The following GHITM variants were observed in gnomAD, a reference collection of about 807,000 sequenced individuals.
GHITM encodes growth hormone inducible transmembrane protein.
Under a neutral mutation model 38.7 loss-of-function variants are expected in GHITM, and 24 were observed. That is an observed-to-expected ratio of 0.62 (90% CI 0.45 to 0.87). The LOEUF is 0.87. Among genes scored for constraint, GHITM ranks in the 40% least tolerant of loss-of-function variants. The pLI is 0.00. For missense variants in GHITM, 420 were observed against 429.8 expected, an observed-to-expected ratio of 0.98 and a Z score of 0.20; for synonymous variants, 154 against 147.8, an observed-to-expected ratio of 1.04 and a Z score of -0.30.
At chr10:84,148,437 C>T (rs184526721) in intron 5 of GHITM, among the ~76,000 whole-genome samples, 251 of 152,278 alleles carry the variant, frequency 1.6e-3, no homozygotes, top group African/African-American at 5.5e-3. Flanking sequence ...GCTGGGACTA[C>T]AGGCGCGCAC....
intron 8 of GHITM, among the ~76,000 whole-genome samples, chr10:84,151,726 A>T (rs1262995785): frequency 6.6e-6 from 1 of 151,980 alleles, no homozygotes. Flanking sequence ...AAAGTGGGTT[A>T]TTTTATTTAA....
chr10:84,141,478 G>C lies in GHITM; in HGVS notation c.-23G>C. ...TTAAACTAGCATTTCAGATCTGCTC[G>C]GTAGACCTGGTGCACCACCACCATG... On this transcript the variant is annotated 5_prime_UTR_variant, in exon 2 of 9. Coordinates refer to ENST00000372134, the MANE Select transcript of GHITM (RefSeq NM_014394.3). The C allele has an allele frequency of 1.9e-6, 3 of 1,612,258 alleles. No homozygotes were observed. The highest frequency in any genetic ancestry group is 2.5e-6 in the Non-Finnish European group (3 of 1,178,790).
chr10:84,143,899 TA>T, intron 3 of GHITM, 95 bp from the exon 4 acceptor site: 1 of 893,568 alleles, frequency 1.1e-6, no homozygotes, highest in Non-Finnish European at 1.9e-6. Context: ...TGGCTTCTAT[TA>T]AATATGGTAC....
At chr10:84,148,125 T>C (rs1178611387) in intron 5 of GHITM, among the ~76,000 whole-genome samples, 1 of 152,126 alleles carries the variant, frequency 6.6e-6, no homozygotes, top group Non-Finnish European at 1.5e-5. Flanking sequence ...AGTAAAATTG[T>C]TAAAAGATGT....
At chr10:84,147,038 T>C (rs1305340484) in intron 5 of GHITM, among the ~76,000 whole-genome samples, 3 of 151,944 alleles carry the variant, frequency 2.0e-5, no homozygotes, top group African/African-American at 7.3e-5. Context: ...GGAGATATTC[T>C]TAGGCATGAT....
chr10:84,142,732 A>G lies in GHITM; in HGVS notation c.207A>G (p.Pro69=). Residue 69 remains proline (P), a synonymous_variant, in exon 3 of 9, where the codon CCA becomes CCG. Coordinates refer to ENST00000372134, the MANE Select transcript of GHITM (RefSeq NM_014394.3). The stretch of plus-strand genomic sequence containing the variant: ...AACTCAAAGAGGCAGCATTGGAACC[A>G]TCGATGGAAAAAATATTTAAAAGTA... ...GQELKEAALE[P]SMEKIFKIDQ... The G allele has an allele frequency of 6.2e-7, 1 of 1,601,816 alleles. No homozygotes were observed. The highest frequency in any genetic ancestry group is 8.5e-7 in the Non-Finnish European group (1 of 1,169,632).
At position 84,141,571 on chromosome 10, in the gene GHITM, C is replaced by T. The variant is rs951545588; in HGVS notation, c.71C>T (p.Ala24Val). 2 of 1,613,016 alleles carry T rather than the reference C, an allele frequency of 1.2e-6. No individual in the cohort carries two copies. The highest frequency in any genetic ancestry group is 1.7e-6 in the Non-Finnish European group (2 of 1,178,944). ...SRVFHPAFTK[A>V]SPVVKNSITK... ...GTTTTCCACCCAGCTTTCACCAAGG[C>T]CTCCCCTGTTGTGAAGAATTCCATC... The change falls in exon 2 of 9, where the codon GCC becomes GTC. Residue 24 changes from alanine to valine, a missense_variant. Ala to Val is a moderately conservative substitution (Grantham distance 64). Coordinates refer to ENST00000372134, the MANE Select transcript of GHITM (RefSeq NM_014394.3).
At chr10:84,147,186 A>T (rs560695742) in intron 5 of GHITM, among the ~76,000 whole-genome samples, 12 of 152,322 alleles carry the variant, frequency 7.9e-5, no homozygotes, top group African/African-American at 2.9e-4. Context: ...TCCACAGAGG[A>T]TGTGTGAAAT....
chr10:84,143,328 C>G (rs574463558), intron 3 of GHITM, among the ~76,000 whole-genome samples: 1 of 152,256 alleles, frequency 6.6e-6, no homozygotes, highest in Non-Finnish European at 1.5e-5. Context: ...GGAGAGAGCC[C>G]TAATCAGTAT....
At chr10:84,147,118 G>A (rs1841564379) in intron 5 of GHITM, among the ~76,000 whole-genome samples, 1 of 152,204 alleles carries the variant, frequency 6.6e-6, no homozygotes, top group Non-Finnish European at 1.5e-5. Context: ...TGGTTGGAAT[G>A]CAGAGTTTGG....
intron 7 of GHITM, 93 bp from the exon 8 acceptor site, chr10:84,150,616 C>A: frequency 1.0e-6 from 1 of 995,674 alleles, no homozygotes; most frequent in Non-Finnish European, 1.5e-6. Context: ...CACAGTATAC[C>A]AAGGAGATTT....
rs767799695 is a variant in GHITM at position 84,147,857 on chromosome 10, T to C, written c.484-873T>C. Among the ~76,000 whole-genome samples the C allele has an allele frequency of 6.6e-5, 10 of 152,298 alleles. No homozygotes were observed. In the South Asian group the frequency reaches 1.9e-3, roughly 28 times the overall value. ...CAAATTAGCCATAAACCTGGAAGGG[T>C]AGAAGTGTAGAATCTTATTTCTCAT... On this transcript the variant is annotated intron_variant, in intron 5 of 8. Transcript: ENST00000372134.
chr10:84,143,983 T>C lies in GHITM; in HGVS notation c.230-12T>C, dbSNP rs1198029892. ...GCCAGTACTAACCTGCATTTCCTTC[T>C]GTGTTCTGCAGTTGATCAGATGGGA... On this transcript the variant is annotated splice_polypyrimidine_tract_variant and intron_variant, in intron 3 of 8. Coordinates refer to ENST00000372134, the MANE Select transcript of GHITM (RefSeq NM_014394.3). The C allele has an allele frequency of 1.3e-6, 2 of 1,569,960 alleles. No homozygotes were observed. Among genetic ancestry groups the C allele is most frequent in the South Asian group, 2.2e-5 (2 of 90,216 alleles).
intron 5 of GHITM, among the ~76,000 whole-genome samples, chr10:84,145,463 G>T (rs1841548395): frequency 6.6e-6 from 1 of 152,184 alleles, no homozygotes. Flanking sequence ...AATACCAGAG[G>T]AGTTAGAAAT....
intron 4 of GHITM, 44 bp downstream of exon 4, chr10:84,144,150 C>A: frequency 8.1e-7 from 1 of 1,240,644 alleles, no homozygotes; most frequent in Non-Finnish European, 1.2e-6. Context: ...ACAACTCCAG[C>A]CTTAAAACAA....
At position 84,141,474 on chromosome 10, in the gene GHITM, G is replaced by T; in HGVS notation, c.-27G>T. 6.2e-7 allele frequency: 1 copy of T among 1,610,818 alleles called. No individual in the cohort carries two copies. The highest frequency in any genetic ancestry group is 1.7e-5 in the Admixed American group (1 of 59,778). On this transcript the variant is annotated 5_prime_UTR_variant, in exon 2 of 9. Transcript: ENST00000372134. ...TTTTTTAAACTAGCATTTCAGATCT[G>T]CTCGGTAGACCTGGTGCACCACCAC...
intron 1 of GHITM, chr10:84,140,686 C>T (rs1445840390): frequency 6.6e-6 from 1 of 151,824 alleles, no homozygotes. Flanking sequence ...TACAGAAACA[C>T]TGTCTGCTGA....
intron 5 of GHITM, among the ~76,000 whole-genome samples, chr10:84,145,327 A>C (rs1350739718): frequency 6.6e-6 from 1 of 152,234 alleles, no homozygotes; most frequent in African/African-American, 2.4e-5. Flanking sequence ...CTGAAGTCTG[A>C]AACACTTCTG....
chr10:84,150,045 C>G lies in GHITM; in HGVS notation c.593-10C>G. 3 of 1,493,546 alleles carry G rather than the reference C, an allele frequency of 2.0e-6. No homozygotes were observed. The highest frequency in any genetic ancestry group is 2.7e-6 in the Non-Finnish European group (3 of 1,114,044). 92.5% of individuals were successfully genotyped at this position (1,493,546 alleles called of 1,614,324 possible). ...AGTAAATACTTAATGAGCACTTCCT[C>G]TTTCTCCAGGTGTGATGGGTGCAGT... On this transcript the variant is annotated splice_polypyrimidine_tract_variant and intron_variant, in intron 6 of 8. Transcript: ENST00000372134.
Sources: gnomAD v4.1 joint callset for allele counts (sites outside exome capture counted in the v4.1 genomes callset) on GRCh38, gnomAD v4.1.1 for gene constraint, MANE v1.5 for transcripts, NCBI Gene and HGNC (gene_info 2026-07-23, HGNC 2026-07-21) for gene names.